Variants in FRMD4B observed in about 807,000 individuals in gnomAD.
The protein encoded by FRMD4B is FERM domain containing 4B, also known as FERM domain-containing protein 4B.
Under a neutral mutation model 141.5 loss-of-function variants are expected in FRMD4B, and 74 were observed. The observed-to-expected ratio is 0.52, with a 90% CI of 0.43 to 0.63. FRMD4B has a LOEUF of 0.63. Among genes scored for constraint, FRMD4B ranks in the 30% least tolerant of loss-of-function variants. The pLI is 0.00. For synonymous variants in FRMD4B, 506 were observed against 467.9 expected (o/e 1.08, Z -1.05); for missense variants, 1,366 against 1,253.4 (o/e 1.09, Z -1.36).
chr3:69,364,375 C>A (rs1703574616), intron 1 of FRMD4B, among the ~76,000 whole-genome samples: 1 of 152,188 alleles, frequency 6.6e-6, no homozygotes. Flanking sequence ...CTGGGACCTG[C>A]CATTTTGCCA....
chr3:69,195,314 C>CTTCTT lies in FRMD4B; in HGVS notation c.1284_1285insAAGAA (p.Glu429LysfsTer4). 1.9e-6 allele frequency: 3 copies of CTTCTT among 1,612,998 alleles called. No individual in the cohort carries two copies. Among genetic ancestry groups the CTTCTT allele is most frequent in the Non-Finnish European group, 2.5e-6 (3 of 1,179,334 alleles). ...AATAGTTTCTCCTTCTTCTTTAGTT[C>CTTCTT]AAGGATTTTTTCTCTCTTTTGCTCT... On this transcript the variant is annotated frameshift_variant, in exon 15 of 23. Coordinates refer to ENST00000398540, the MANE Select transcript of FRMD4B (RefSeq NM_015123.3). LOFTEE classifies it high-confidence loss of function.
chr3:69,211,023 G>GA (rs541259572), intron 11 of FRMD4B, among the ~76,000 whole-genome samples: 5 of 85,834 alleles, frequency 5.8e-5, no homozygotes, highest in African/African-American at 1.8e-4. Context: ...ATGCCATCTC[G>GA]AAAAAAAAAA....
intron 4 of FRMD4B, among the ~76,000 whole-genome samples, chr3:69,297,116 G>A (rs147196877): frequency 7.2e-5 from 11 of 152,216 alleles, no homozygotes; most frequent in East Asian, 1.9e-4. Flanking sequence ...TATGTGTCAC[G>A]TGTATTTGGC....
intron 1 of FRMD4B, among the ~76,000 whole-genome samples, chr3:69,439,584 C>A (rs1019397080): frequency 1.3e-5 from 2 of 152,140 alleles, no homozygotes; most frequent in Non-Finnish European, 2.9e-5. Flanking sequence ...TACCAAGAGT[C>A]CCTCCTTTGA....
intron 17 of FRMD4B, among the ~76,000 whole-genome samples, chr3:69,190,874 T>A (rs1312680520): frequency 6.6e-6 from 1 of 152,346 alleles, no homozygotes; most frequent in East Asian, 1.9e-4. Context: ...TTATCGACTA[T>A]GAGACCTTGG....
chr3:69,402,220 A>G (rs1044924289), intron 2 of FRMD4B, among the ~76,000 whole-genome samples: 5 of 152,346 alleles, frequency 3.3e-5, no homozygotes, highest in South Asian at 2.1e-4. Flanking sequence ...AGCTTTGCCC[A>G]TTAAGACCAA....
rs2107170547 is a variant in FRMD4B, at chr3:69,536,528, T to C, written c.-129+5678A>G. 4.3e-6 allele frequency: 3 copies of C among 693,322 alleles called. 1 individual carries two copies. In the African/African-American group the frequency reaches 5.3e-5, roughly 12 times the overall value. 42.9% of individuals were successfully genotyped at this position (693,322 alleles called of 1,614,324 possible). A position where few individuals can be genotyped will look rare whatever the true frequency, so the allele number is the denominator to read the frequency against. On this transcript the variant is annotated intron_variant, in intron 1 of 5. Coordinates refer to the FRMD4B transcript ENST00000459638. ...CCAGCCTGCAGCGCCTCTACCACCG[T>C]GCGGGGGGTGGGGAATAGGGGGGAT...
At chr3:69,367,198 G>C (rs914707071) in intron 1 of FRMD4B, among the ~76,000 whole-genome samples, 4 of 152,088 alleles carry the variant, frequency 2.6e-5, no homozygotes, top group African/African-American at 9.7e-5. Flanking sequence ...CAAGAGCCTG[G>C]ATCAAATGTT....
intron 11 of FRMD4B, among the ~76,000 whole-genome samples, chr3:69,215,219 T>C (rs2093127867): frequency 6.7e-6 from 1 of 150,170 alleles, no homozygotes; most frequent in African/African-American, 2.4e-5. Flanking sequence ...CATAGTAAAA[T>C]TTTAAATGGA....
At chr3:69,248,559 G>A (rs1054520728) in intron 7 of FRMD4B, among the ~76,000 whole-genome samples, 1 of 152,208 alleles carries the variant, frequency 6.6e-6, no homozygotes, top group Non-Finnish European at 1.5e-5. Flanking sequence ...CATTAACATC[G>A]TAGAGGCCAG....
chr3:69,479,409 C>G (rs1706073626), intron 1 of FRMD4B, among the ~76,000 whole-genome samples: 1 of 152,052 alleles, frequency 6.6e-6, no homozygotes, highest in Non-Finnish European at 1.5e-5. Flanking sequence ...CTGGTGGTGA[C>G]AAAATCTCTC....
chr3:69,296,895 T>C (rs1464240225), intron 4 of FRMD4B, among the ~76,000 whole-genome samples: 1 of 152,132 alleles, frequency 6.6e-6, no homozygotes, highest in Admixed American at 6.5e-5. Context: ...AAGAAGAAAA[T>C]GAAAATCATC....
At chr3:69,314,373 C>G (rs113606656) in intron 1 of FRMD4B, among the ~76,000 whole-genome samples, 18,846 of 149,662 alleles carry the variant, frequency 0.13, 1,626 homozygotes, top group Middle Eastern at 0.24. Context: ...ACTAAAACTA[C>G]AAAAAATAGC....
rs111985302 is a variant in FRMD4B, at chr3:69,235,392, A to G, written c.582-10702T>C. 7.5e-3 allele frequency among the ~76,000 whole-genome samples: 1,122 copies of G among 148,900 alleles called. 14 individuals carry two copies. The highest frequency in any genetic ancestry group is 0.026 in the African/African-American group (1,050 of 40,560). On this transcript the variant is annotated intron_variant, in intron 7 of 22. Transcript: ENST00000398540. ...TACTTCTAAAGGGCCAGGCGCAGTG[A>G]CTCATGCCTGTAATCCCAGCACTTT... is the stretch of plus-strand genomic sequence containing the variant.
At chr3:69,199,971 A>AGGT (rs2092949710) in intron 11 of FRMD4B, among the ~76,000 whole-genome samples, 1 of 98,342 alleles carries the variant, frequency 1.0e-5, no homozygotes, top group Non-Finnish European at 2.0e-5. Context: ...CCCAGACTTG[A>AGGT]TTAGGGAAAT....
At chr3:69,484,010 C>T (rs902026641) in intron 1 of FRMD4B, among the ~76,000 whole-genome samples, 19 of 152,168 alleles carry the variant, frequency 1.2e-4, no homozygotes, top group African/African-American at 4.6e-4. Flanking sequence ...ACAGCAACTG[C>T]ATTTATTACA....
chr3:69,236,532 A>T lies in FRMD4B; in HGVS notation c.582-11842T>A, dbSNP rs1031304862. ...GCATGAGCCACCGTGCCCGGCCCCAAATTTGGTTTTTGAAAAACACTTTTA... is the reference window on the plus strand; with the variant it reads ...GCATGAGCCACCGTGCCCGGCCCCATATTTGGTTTTTGAAAAACACTTTTA... On this transcript the variant is annotated intron_variant, in intron 7 of 22. Coordinates refer to ENST00000398540, the MANE Select transcript of FRMD4B (RefSeq NM_015123.3). Among the ~76,000 whole-genome samples the T allele has an allele frequency of 3.9e-5, 6 of 152,204 alleles. No individual in the cohort carries two copies. The East Asian group carries it at 1.2e-3, about 29-fold the overall frequency.
chr3:69,518,233 A>G (rs1400476157), intron 1 of FRMD4B, among the ~76,000 whole-genome samples: 1 of 152,224 alleles, frequency 6.6e-6, no homozygotes, highest in Non-Finnish European at 1.5e-5. Context: ...ACTTTACTGT[A>G]TATGAATAAT....
At chr3:69,238,224 C>T (rs576103283) in intron 7 of FRMD4B, among the ~76,000 whole-genome samples, 1 of 152,192 alleles carries the variant, frequency 6.6e-6, no homozygotes, top group Non-Finnish European at 1.5e-5. Context: ...AGTACACAGG[C>T]AGCCAGTACA....
Sources: gnomAD v4.1 joint callset for allele counts (sites outside exome capture counted in the v4.1 genomes callset) on GRCh38, gnomAD v4.1.1 for gene constraint, MANE v1.5 for transcripts, NCBI Gene and HGNC (gene_info 2026-07-23, HGNC 2026-07-21) for gene names.